The following TLE4 variants were observed in gnomAD, a reference collection of about 807,000 sequenced individuals.
TLE4 encodes the protein transducin-like enhancer protein 4.
In TLE4, 8 loss-of-function variants were observed where a neutral mutation model predicts 92.8. That is an observed-to-expected ratio of 0.09 (90% CI 0.05 to 0.16). TLE4 has a LOEUF of 0.16. TLE4 is among the 10% of genes least tolerant of loss of function. TLE4 has a pLI of 1.00. For synonymous variants in TLE4, 371 were observed against 374.1 expected (o/e 0.99, Z 0.10); for missense variants, 675 against 997.6 (o/e 0.68, Z 4.36).
intron 4 of TLE4, among the ~76,000 whole-genome samples, chr9:79,605,166 CGGT>C (rs1187432643): frequency 2.7e-4 from 41 of 152,174 alleles, no homozygotes; most frequent in African/African-American, 9.4e-4. Flanking sequence ...GTTCTCTGAC[CGGT>C]TCCACCTTGT....
intron 4 of TLE4, among the ~76,000 whole-genome samples, chr9:79,581,670 A>G (rs186034369): frequency 6.6e-6 from 1 of 152,344 alleles, no homozygotes; most frequent in East Asian, 1.9e-4. Flanking sequence ...TCAGCTCTGC[A>G]CAAGGTGATA....
chr9:79,724,995 C>G, intron 19 of TLE4, 42 bp from the exon 20 acceptor site: 1 of 1,439,626 alleles, frequency 6.9e-7, no homozygotes, highest in South Asian at 1.1e-5. Flanking sequence ...ATGGGATTTT[C>G]TTTCAGTATT....
At chr9:79,655,960 A>G (rs1469669862) in intron 8 of TLE4, among the ~76,000 whole-genome samples, 2 of 152,202 alleles carry the variant, frequency 1.3e-5, no homozygotes, top group Admixed American at 6.5e-5. Flanking sequence ...GAAATCATCA[A>G]TAATCATTCA....
At chr9:79,703,792 T>G (rs1047607807) in intron 8 of TLE4, among the ~76,000 whole-genome samples, 3 of 152,160 alleles carry the variant, frequency 2.0e-5, no homozygotes, top group Non-Finnish European at 4.4e-5. Flanking sequence ...ATAATACGCA[T>G]TTCTGCAGGT....
chr9:79,585,658 T>C (rs940339373), intron 4 of TLE4, among the ~76,000 whole-genome samples: 2 of 115,866 alleles, frequency 1.7e-5, no homozygotes, highest in Non-Finnish European at 3.4e-5. Flanking sequence ...TGAACAGAAA[T>C]TGAATTTTTT....
chr9:79,687,407 A>G (rs149260886), intron 8 of TLE4, among the ~76,000 whole-genome samples: 1 of 152,360 alleles, frequency 6.6e-6, no homozygotes, highest in East Asian at 1.9e-4. Flanking sequence ...CTTCAAAAAT[A>G]TCTCTCAAGT....
At chr9:79,700,011 C>T (rs990755957) in intron 8 of TLE4, among the ~76,000 whole-genome samples, 5 of 152,162 alleles carry the variant, frequency 3.3e-5, no homozygotes, top group African/African-American at 1.2e-4. Context: ...ACTAGGTCAC[C>T]ATCCCAATCT....
At chr9:79,630,053 T>C (rs1375083686) in intron 6 of TLE4, among the ~76,000 whole-genome samples, 1 of 152,156 alleles carries the variant, frequency 6.6e-6, no homozygotes, top group Non-Finnish European at 1.5e-5. Flanking sequence ...CAGTTTTCCT[T>C]TGAGAGGCAA....
At position 79,652,724 on chromosome 9, in the gene TLE4, T is replaced by C; in HGVS notation, c.522T>C (p.Ser174=). ...GSSAGLLALS[S]ALGGQSHLPI... ...GTGCCGGGCTTCTGGCCCTCTCCAG[T>C]GCTCTAGGAGGTCAGTCCCATCTTC... Residue 174 remains serine (S), a synonymous_variant, in exon 7 of 20, where the codon AGT becomes AGC. Transcript: ENST00000376552. The C allele has an allele frequency of 6.2e-7, 1 of 1,614,166 alleles. No individual in the cohort carries two copies. The highest frequency in any genetic ancestry group is 1.3e-5 in the African/African-American group (1 of 75,034).
At chr9:79,644,868 T>G (rs1403714112) in intron 6 of TLE4, among the ~76,000 whole-genome samples, 1 of 152,158 alleles carries the variant, frequency 6.6e-6, no homozygotes, top group Non-Finnish European at 1.5e-5. Context: ...AGCGAGCAGC[T>G]CACAGCTTGG....
At chr9:79,595,402 A>G (rs553470914) in intron 4 of TLE4, among the ~76,000 whole-genome samples, 1 of 152,322 alleles carries the variant, frequency 6.6e-6, no homozygotes, top group African/African-American at 2.4e-5. Flanking sequence ...TGTTTTCTTC[A>G]TAGAGAATGT....
intron 4 of TLE4, among the ~76,000 whole-genome samples, chr9:79,605,146 G>A (rs1426013588): frequency 6.6e-6 from 1 of 152,088 alleles, no homozygotes; most frequent in Non-Finnish European, 1.5e-5. Context: ...TTAGTAATCA[G>A]AGTAATCAGG....
At chr9:79,682,147 A>C (rs1256795635) in intron 8 of TLE4, among the ~76,000 whole-genome samples, 1 of 152,168 alleles carries the variant, frequency 6.6e-6, no homozygotes, top group Non-Finnish European at 1.5e-5. Context: ...GAGAAAATAA[A>C]TATACAGGCT....
At chr9:79,573,120 C>A in intron 1 of TLE4, 2 of 643,702 alleles carry the variant, frequency 3.1e-6, no homozygotes, top group East Asian at 4.4e-5. Flanking sequence ...CGCGACTCCT[C>A]GAGGGGGGGT....
chr9:79,603,126 C>T (rs970817353), intron 4 of TLE4, among the ~76,000 whole-genome samples: 1 of 152,164 alleles, frequency 6.6e-6, no homozygotes, highest in African/African-American at 2.4e-5. Flanking sequence ...GAATATACTT[C>T]TGGTGAAGAT....
At position 79,572,556 on chromosome 9, in the gene TLE4, G is replaced by C. The variant is rs1160718471; in HGVS notation, c.-235G>C. The C allele has an allele frequency of 5.7e-6, 1 of 174,268 alleles. No homozygotes were observed. Among genetic ancestry groups the C allele is most frequent in the Non-Finnish European group, 1.2e-5 (1 of 83,426 alleles). The allele number at this position is 174,268 out of a possible 1,614,324, so 10.8% of individuals were successfully genotyped here. A position where few individuals can be genotyped will look rare whatever the true frequency, so the allele number is the denominator to read the frequency against. On this transcript the variant is annotated 5_prime_UTR_variant, in exon 1 of 20. Coordinates refer to ENST00000376552, the MANE Select transcript of TLE4 (RefSeq NM_007005.6). ...GGGAGACGCGCGCCGGACAATGCCC[G>C]CGGCGGGCCAGTGACGCCCGCGGGG...
At chr9:79,692,428 T>G (rs1221018430) in intron 8 of TLE4, among the ~76,000 whole-genome samples, 1 of 152,184 alleles carries the variant, frequency 6.6e-6, no homozygotes, top group Non-Finnish European at 1.5e-5. Flanking sequence ...TCTCCAGGCC[T>G]CCTGCTACCC....
chr9:79,690,863 T>C (rs1168929274), intron 8 of TLE4, among the ~76,000 whole-genome samples: 1 of 147,962 alleles, frequency 6.8e-6, no homozygotes, highest in Non-Finnish European at 1.5e-5. Flanking sequence ...CTCGAACTCT[T>C]GGACTCAAGC....
At chr9:79,649,947 A>T (rs1247624479) in intron 6 of TLE4, 45 of 1,184,478 alleles carry the variant, frequency 3.8e-5, no homozygotes, top group Admixed American at 1.1e-4. Flanking sequence ...ACAGGGTTTC[A>T]CTCTGTCACA....
Sources: allele counts gnomAD v4.1 joint callset (sites outside exome capture counted in the v4.1 genomes callset), GRCh38; gene constraint gnomAD v4.1.1; transcripts MANE v1.5; gene names NCBI Gene and HGNC (gene_info 2026-07-23, HGNC 2026-07-21).